Variants in CHST9 observed in about 807,000 individuals in gnomAD.
CHST9 encodes GalNAc-4-sulfotransferase 2.
Under a neutral mutation model 44.4 loss-of-function variants are expected in CHST9, and 41 were observed. That is an observed-to-expected ratio of 0.92 (90% CI 0.72 to 1.20). The LOEUF (loss-of-function observed/expected upper bound fraction) is 1.20, where lower values mean the gene tolerates loss of function less well. Ranked by LOEUF, CHST9 falls within the 50% of genes most tolerant of loss-of-function variation. The pLI is 0.00. For synonymous variants in CHST9, 171 were observed against 178.4 expected (o/e 0.96, Z 0.33); for missense variants, 504 against 516.5 (o/e 0.98, Z 0.23).
chr18:27,052,656 T>G (rs905831472), intron 2 of CHST9, among the ~76,000 whole-genome samples: 2 of 152,158 alleles, frequency 1.3e-5, no homozygotes, highest in African/African-American at 4.8e-5. Context: ...TGTTTTTAAC[T>G]TAAATAATTA....
At chr18:27,075,532 A>G (rs2057894780) in intron 2 of CHST9, among the ~76,000 whole-genome samples, 1 of 152,198 alleles carries the variant, frequency 6.6e-6, no homozygotes, top group Admixed American at 6.5e-5. Context: ...TACAAAATTA[A>G]CTTTATCCAC....
intron 3 of CHST9, among the ~76,000 whole-genome samples, chr18:27,042,792 TC>T (rs1358338616): frequency 6.6e-6 from 1 of 151,484 alleles, no homozygotes; most frequent in Admixed American, 6.6e-5. Flanking sequence ...TCTCTCTCCC[TC>T]CCTCCCTCTC....
intron 1 of CHST9, among the ~76,000 whole-genome samples, chr18:27,174,208 A>AAT (rs1190158371): frequency 2.0e-5 from 3 of 151,888 alleles, no homozygotes; most frequent in African/African-American, 7.2e-5. Flanking sequence ...GATGTCTTGC[A>AAT]ATTAGTTGCC....
chr18:26,995,457 A>T (rs891162628), intron 4 of CHST9, among the ~76,000 whole-genome samples: 86 of 143,244 alleles, frequency 6.0e-4, no homozygotes, highest in African/African-American at 2.1e-3. Flanking sequence ...AAAAAAAAAA[A>T]GATTACTGCA....
chr18:26,979,303 A>G (rs2056663602), intron 4 of CHST9, among the ~76,000 whole-genome samples: 1 of 152,200 alleles, frequency 6.6e-6, no homozygotes, highest in African/African-American at 2.4e-5. Flanking sequence ...AACATCACCC[A>G]TAAGACAATC....
chr18:27,055,456 G>A (rs752700972), intron 2 of CHST9, among the ~76,000 whole-genome samples: 2 of 152,154 alleles, frequency 1.3e-5, no homozygotes, highest in African/African-American at 4.8e-5. Flanking sequence ...AGAGGAAGGA[G>A]CTTGAAATGC....
intron 2 of CHST9, among the ~76,000 whole-genome samples, chr18:27,082,646 C>T (rs992902476): frequency 1.4e-4 from 21 of 152,154 alleles, no homozygotes; most frequent in Non-Finnish European, 8.8e-5. Context: ...AACTCTTGGG[C>T]AAAAATTTCA....
In CHST9 at chr18:26,907,532, G is replaced by T. The variant is rs1057146521; in HGVS notation, c.*8727C>A. ...GCTAAAGCAAGGAGAGTGGAAGAGA[G>T]TCCCCAAGCAGAGAGGGTAGAGCGA... On this transcript the variant is annotated 3_prime_UTR_variant, in exon 6 of 6. Coordinates refer to ENST00000618847, the MANE Select transcript of CHST9 (RefSeq NM_031422.6). The T allele has an allele frequency of 6.6e-6, 1 of 152,200 alleles. No individual in the cohort carries two copies. Among genetic ancestry groups the T allele is most frequent in the Non-Finnish European group, 1.5e-5 (1 of 68,156 alleles). 9.4% of individuals were successfully genotyped at this position (152,200 alleles called of 1,614,324 possible).
chr18:27,181,569 T>G (rs1201920039), intron 1 of CHST9, among the ~76,000 whole-genome samples: 1 of 152,206 alleles, frequency 6.6e-6, no homozygotes, highest in Non-Finnish European at 1.5e-5. Context: ...CCATTTAACG[T>G]CAAAGACATA....
intron 4 of CHST9, among the ~76,000 whole-genome samples, chr18:26,951,691 T>C (rs1184979860): frequency 6.6e-6 from 1 of 152,242 alleles, no homozygotes; most frequent in Non-Finnish European, 1.5e-5. Flanking sequence ...CATAAATCTT[T>C]TGTTTTAATA....
intron 4 of CHST9, among the ~76,000 whole-genome samples, chr18:27,004,813 T>C (rs1470560258): frequency 6.6e-6 from 1 of 152,176 alleles, no homozygotes; most frequent in Non-Finnish European, 1.5e-5. Context: ...TAAATTACTG[T>C]TTTTCTTTAT....
intron 4 of CHST9, among the ~76,000 whole-genome samples, chr18:26,960,612 T>A (rs1020516688): frequency 6.6e-6 from 1 of 152,172 alleles, no homozygotes; most frequent in Non-Finnish European, 1.5e-5. Context: ...GCTAAGCATA[T>A]GGGAGTTATT....
chr18:26,982,754 A>ATGTTCCATGAATCATGTTC (rs2056707894), intron 4 of CHST9, among the ~76,000 whole-genome samples: 1 of 152,268 alleles, frequency 6.6e-6, no homozygotes. Flanking sequence ...CCATGATTCC[A>ATGTTCCATGAATCATGTTC]CATGATGGTC....
chr18:27,132,563 C>T (rs776685625), intron 2 of CHST9, among the ~76,000 whole-genome samples: 42 of 152,260 alleles, frequency 2.8e-4, no homozygotes, highest in Non-Finnish European at 4.6e-4. Flanking sequence ...CATGCTCAGT[C>T]GTAGGGCACA....
intron 3 of CHST9, among the ~76,000 whole-genome samples, chr18:27,038,892 A>G (rs1049879512): frequency 6.6e-6 from 1 of 152,190 alleles, no homozygotes; most frequent in African/African-American, 2.4e-5. Flanking sequence ...ATCCTGGCTT[A>G]AATAATATAT....
At chr18:26,918,475 A>AAT (rs560052003) in intron 5 of CHST9, among the ~76,000 whole-genome samples, 4 of 151,592 alleles carry the variant, frequency 2.6e-5, no homozygotes, top group African/African-American at 7.3e-5. Flanking sequence ...CATGATTGCA[A>AAT]ATATATATAT....
At chr18:27,098,270 G>A (rs139379831) in intron 2 of CHST9, among the ~76,000 whole-genome samples, 7 of 151,810 alleles carry the variant, frequency 4.6e-5, no homozygotes, top group South Asian at 4.2e-4. Flanking sequence ...ACCATCTCAC[G>A]TCACTTAGAA....
At chr18:27,109,409 G>A (rs1276956808) in intron 2 of CHST9, among the ~76,000 whole-genome samples, 1 of 152,132 alleles carries the variant, frequency 6.6e-6, no homozygotes, top group Non-Finnish European at 1.5e-5. Context: ...TTTAAATTGT[G>A]CTGAGAAGTC....
In CHST9 at chr18:27,084,458, G is replaced by GTT. The variant is rs34987256; in HGVS notation, c.122-35957_122-35956dup. Among the ~76,000 whole-genome samples the GTT allele has an allele frequency of 2.6e-3, 379 of 143,524 alleles. 3 individuals carry two copies. The highest frequency in any genetic ancestry group is 0.014 in the South Asian group (66 of 4,580). The allele number at this position is 143,524 out of a possible 152,430, so 94.2% of individuals were successfully genotyped here. ...TAGTGGTGTTCATAACACTCGCTGG[G>GTT]TTTTTTTTTTTTTATTTCTGTGGGG... On this transcript the variant is annotated intron_variant, in intron 2 of 5. Transcript: ENST00000618847.
Sources: allele counts gnomAD v4.1 joint callset (sites outside exome capture counted in the v4.1 genomes callset), GRCh38; gene constraint gnomAD v4.1.1; transcripts MANE v1.5; gene names NCBI Gene and HGNC (gene_info 2026-07-23, HGNC 2026-07-21).